The following COP1 variants were observed in gnomAD, a reference collection of about 807,000 sequenced individuals.
The protein encoded by COP1 is COP1 E3 ubiquitin ligase.
COP1 carries 24 observed loss-of-function variants against 101.3 expected under a neutral mutation model. That is an observed-to-expected ratio of 0.24 (90% CI 0.17 to 0.33). The LOEUF (loss-of-function observed/expected upper bound fraction) is 0.33, where lower values mean the gene tolerates loss of function less well. Ranked by LOEUF, COP1 falls within the 10% of genes least tolerant of loss-of-function variation. COP1 has a pLI of 1.00. For missense variants in COP1, 663 were observed against 906.2 expected (o/e 0.73, Z 3.45); for synonymous variants, 347 against 341.9 (o/e 1.01, Z -0.17).
rs1216666338 is a variant in COP1, at chr1:176,206,751, A to C, written c.228T>G (p.Gly76=). 1 of 1,531,482 alleles carries C rather than the reference A, an allele frequency of 6.5e-7. No homozygotes were observed. Among genetic ancestry groups the C allele is most frequent in the Non-Finnish European group, 8.7e-7 (1 of 1,147,088 alleles). 94.9% of individuals were successfully genotyped at this position (1,531,482 alleles called of 1,614,324 possible). A position where few individuals can be genotyped will look rare whatever the true frequency, so the allele number is the denominator to read the frequency against. ...CCGTGGACACCGCCCCGCCGCCGCT[A>C]CCCGATACGGCGGGCGCCACCAACA... ...RPVLVAPAVS[G]SGGGAVSTGL... is the part of the protein sequence containing the mutation. The change falls in exon 1 of 20, where the codon GGT becomes GGG. Residue 76 remains glycine, a synonymous_variant. Coordinates refer to ENST00000367669, the MANE Select transcript of COP1 (RefSeq NM_022457.7).
chr1:175,979,073 A>G (rs1349797074), intron 18 of COP1, among the ~76,000 whole-genome samples: 1 of 152,150 alleles, frequency 6.6e-6, no homozygotes, highest in Non-Finnish European at 1.5e-5. Flanking sequence ...GTTAGGATGT[A>G]TAACAAACTT....
chr1:176,160,258 T>C (rs1340508902), intron 5 of COP1: 2 of 136,144 alleles, frequency 1.5e-5, no homozygotes, highest in South Asian at 2.8e-4. Flanking sequence ...CACACATCTT[T>C]TTTTTTTTTT....
chr1:175,988,246 A>C, intron 17 of COP1, 42 bp downstream of exon 17: 1 of 1,565,066 alleles, frequency 6.4e-7, no homozygotes, highest in Non-Finnish European at 8.7e-7. Context: ...TTCAATAACA[A>C]ACACCTGTTA....
intron 11 of COP1, 43 bp downstream of exon 11, chr1:176,081,109 A>C: frequency 6.7e-7 from 1 of 1,495,044 alleles, no homozygotes. Context: ...ATTAGATTCT[A>C]GACATTCTTA....
At chr1:176,006,465 A>G (rs1663245488) in intron 15 of COP1, among the ~76,000 whole-genome samples, 1 of 152,164 alleles carries the variant, frequency 6.6e-6, no homozygotes, top group Non-Finnish European at 1.5e-5. Context: ...ACAATTTGGC[A>G]TGATTTTGCA....
At chr1:176,038,247 A>C (rs993161150) in intron 14 of COP1, among the ~76,000 whole-genome samples, 2 of 152,188 alleles carry the variant, frequency 1.3e-5, no homozygotes, top group Admixed American at 6.5e-5. Flanking sequence ...GAAATCATAA[A>C]AGCCCTACAT....
intron 8 of COP1, among the ~76,000 whole-genome samples, chr1:176,127,296 A>G (rs1688158886): frequency 6.6e-6 from 1 of 152,124 alleles, no homozygotes; most frequent in African/African-American, 2.4e-5. Context: ...GAACACCAGA[A>G]TTGATTCTTC....
chr1:176,042,270 C>A (rs867900443), intron 14 of COP1, among the ~76,000 whole-genome samples: 132 of 88,000 alleles, frequency 1.5e-3, no homozygotes, highest in Middle Eastern at 8.8e-3. Context: ...AACTCTATCT[C>A]AAAAAAAAAA....
At chr1:175,976,296 T>TTA (rs1553284850) in intron 18 of COP1, among the ~76,000 whole-genome samples, 1 of 137,306 alleles carries the variant, frequency 7.3e-6, no homozygotes, top group African/African-American at 2.9e-5. Flanking sequence ...TTTTTTTTTT[T>TTA]AGACAGAGTC....
intron 10 of COP1, among the ~76,000 whole-genome samples, chr1:176,084,835 C>T (rs1265426680): frequency 7.1e-6 from 1 of 141,380 alleles, no homozygotes; most frequent in Non-Finnish European, 1.5e-5. Flanking sequence ...TTTTAACAAC[C>T]AATAAAATAC....
intron 14 of COP1, among the ~76,000 whole-genome samples, chr1:176,042,343 T>C (rs989320472): frequency 2.0e-5 from 3 of 147,220 alleles, no homozygotes; most frequent in Non-Finnish European, 3.0e-5. Flanking sequence ...GCAGGGCAGA[T>C]CACTTGAGGT....
chr1:175,989,406 T>C lies in COP1; in HGVS notation c.1803A>G (p.Ala601=), dbSNP rs757539169. ...CACTCACAAACTTTGCATAAGAGAC[T>C]GCTTTACGGTGTCCTTTGAATACCA... is the stretch of plus-strand genomic sequence containing the variant. ...PIMVFKGHRK[A]VSYAKFVSGE... Residue 601 remains alanine, a synonymous_variant, in exon 16 of 20, where the codon GCA becomes GCG. Transcript: ENST00000367669. The C allele has an allele frequency of 1.3e-5, 21 of 1,608,798 alleles. No individual in the cohort carries two copies. Among genetic ancestry groups the C allele is most frequent in the Non-Finnish European group, 1.4e-5 (16 of 1,175,246 alleles).
intron 3 of COP1, among the ~76,000 whole-genome samples, chr1:176,165,035 A>G (rs944582186): frequency 6.6e-6 from 1 of 152,162 alleles, no homozygotes; most frequent in African/African-American, 2.4e-5. Flanking sequence ...AGTATATCAC[A>G]ATGCAAGTAT....
intron 14 of COP1, among the ~76,000 whole-genome samples, chr1:176,032,360 G>T (rs6425374): frequency 0.94 from 143,056 of 152,250 alleles, 67,648 homozygotes; most frequent in East Asian, 1. Context: ...TAAATAAGCT[G>T]GACTCTTAAA....
In COP1 at chr1:176,070,334, C is replaced by CTT. The variant is rs558421046; in HGVS notation, c.1277+10816_1277+10817dup. ...ATCTCCCTATTGCCACTTGTGCTGC[C>CTT]TTTTTTTTTTTTTTTTAACTTTTTT... On this transcript the variant is annotated intron_variant, in intron 11 of 19. Coordinates refer to ENST00000367669, the MANE Select transcript of COP1 (RefSeq NM_022457.7). 4.6e-3 allele frequency among the ~76,000 whole-genome samples: 631 copies of CTT among 138,662 alleles called. 6 individuals are homozygous for CTT. Among genetic ancestry groups the CTT allele is most frequent in the African/African-American group, 0.015 (583 of 37,812 alleles). 91.0% of individuals were successfully genotyped at this position (138,662 alleles called of 152,430 possible). A position where few individuals can be genotyped will look rare whatever the true frequency, so the allele number is the denominator to read the frequency against.
At chr1:175,989,172 A>G (rs1657819748) in intron 16 of COP1, 190 bp downstream of exon 16, 1 of 398,608 alleles carries the variant, frequency 2.5e-6, no homozygotes, top group Non-Finnish European at 4.5e-6. Flanking sequence ...ATTCACATAT[A>G]AAAGTGCACA....
Position 175,944,908 on chromosome 1 carries a change from T to C in COP1, c.*245A>G, listed in dbSNP as rs1359781053. 1.2e-5 allele frequency: 5 copies of C among 424,574 alleles called. No homozygotes were observed. Among genetic ancestry groups the C allele is most frequent in the African/African-American group, 1.0e-4 (5 of 48,312 alleles). The allele number at this position is 424,574 out of a possible 1,614,324, so 26.3% of individuals were successfully genotyped here. On this transcript the variant is annotated 3_prime_UTR_variant, in exon 20 of 20. Transcript: ENST00000367669. Reference sequence around the variant, plus strand: ...TTGTTTCCCTATCACAAAAATTAGATAACACCACCAAGAGCAGCAATGTCC... The same window carrying C: ...TTGTTTCCCTATCACAAAAATTAGACAACACCACCAAGAGCAGCAATGTCC...
intron 2 of COP1, among the ~76,000 whole-genome samples, chr1:176,183,292 T>C (rs1227908477): frequency 6.6e-6 from 1 of 152,188 alleles, no homozygotes; most frequent in Non-Finnish European, 1.5e-5. Flanking sequence ...ACGGGCCTGA[T>C]TTCAATATGA....
intron 6 of COP1, among the ~76,000 whole-genome samples, chr1:176,136,838 C>A (rs1689871989): frequency 6.6e-6 from 1 of 151,754 alleles, no homozygotes; most frequent in Non-Finnish European, 1.5e-5. Flanking sequence ...TAAAAAAATA[C>A]AAGATAGCCA....
Sources: allele counts gnomAD v4.1 joint callset (sites outside exome capture counted in the v4.1 genomes callset), GRCh38; gene constraint gnomAD v4.1.1; transcripts MANE v1.5; gene names NCBI Gene and HGNC (gene_info 2026-07-23, HGNC 2026-07-21).